KAZN: variants seen among roughly 807,000 people sequenced by gnomAD.
KAZN encodes the protein kazrin.
A neutral mutation model predicts 87.4 loss-of-function variants in KAZN; 40 were observed. That is an observed-to-expected ratio of 0.46 (90% CI 0.36 to 0.60). The LOEUF is 0.60. Ranked by LOEUF, KAZN falls within the 20% of genes least tolerant of loss-of-function variation. KAZN has a pLI of 0.00. For missense variants in KAZN, 898 were observed against 1,073.9 expected (o/e 0.84, Z 2.29); for synonymous variants, 466 against 458.3 (o/e 1.02, Z -0.22).
chr1:14,872,354 A>G (rs1388514022), intron 1 of KAZN, among the ~76,000 whole-genome samples: 1 of 152,240 alleles, frequency 6.6e-6, no homozygotes, highest in South Asian at 2.1e-4. Flanking sequence ...ATTAACATAT[A>G]GCTAGTGTGA....
intron 6 of KAZN, 138 bp from the exon 7 acceptor site, chr1:15,063,434 G>A: frequency 1.4e-6 from 1 of 720,916 alleles, no homozygotes; most frequent in Non-Finnish European, 2.5e-6. Flanking sequence ...ATGGGGGGTG[G>A]GCTCCCCACT....
chr1:14,531,739 GT>G (rs1672218254), intron 2 of KAZN, among the ~76,000 whole-genome samples: 1 of 152,206 alleles, frequency 6.6e-6, no homozygotes, highest in South Asian at 2.1e-4. Context: ...CACCAGACAT[GT>G]TCGACTGAAC....
At chr1:14,135,013 A>G (rs67278004) in intron 1 of KAZN, among the ~76,000 whole-genome samples, 4,258 of 77,104 alleles carry the variant, frequency 0.055, 121 homozygotes, top group African/African-American at 0.12. Context: ...ATGTGCACAC[A>G]TGCACACATA....
intron 1 of KAZN, among the ~76,000 whole-genome samples, chr1:14,837,507 T>C (rs901218951): frequency 1.3e-5 from 2 of 151,846 alleles, no homozygotes; most frequent in Non-Finnish European, 2.9e-5. Context: ...CCCATACCTG[T>C]TGTTTTATGT....
chr1:14,910,327 T>A (rs1421326090), intron 1 of KAZN, among the ~76,000 whole-genome samples: 2 of 152,202 alleles, frequency 1.3e-5, no homozygotes, highest in African/African-American at 4.8e-5. Flanking sequence ...CCTTCCCCCA[T>A]GTGGGTGCCC....
chr1:14,914,685 C>T (rs1250647706), intron 1 of KAZN, among the ~76,000 whole-genome samples: 1 of 152,116 alleles, frequency 6.6e-6, no homozygotes, highest in East Asian at 1.9e-4. Flanking sequence ...CATCCCAGTC[C>T]CATTGATAAT....
chr1:14,880,328 GGGGATTGCCCGA>G (rs1433066709), intron 1 of KAZN, among the ~76,000 whole-genome samples: 3 of 152,182 alleles, frequency 2.0e-5, no homozygotes, highest in African/African-American at 4.8e-5. Context: ...CAGGACCCCA[GGGGATTGCCCGA>G]GGAAAAGTAT....
intron 1 of KAZN, among the ~76,000 whole-genome samples, chr1:14,755,386 C>T (rs999801920): frequency 2.0e-5 from 3 of 152,182 alleles, no homozygotes; most frequent in African/African-American, 7.2e-5. Context: ...ATATGAGGTA[C>T]AGTCCTAACT....
chr1:14,856,475 A>C lies in KAZN; in HGVS notation c.227-104209A>C, dbSNP rs1323589505. Reference sequence around the variant, plus strand: ...TGGGAATTAATATATACATAAGCGCATCTGCTCTAAACACTTTTTTCCCTT... The same window carrying C: ...TGGGAATTAATATATACATAAGCGCCTCTGCTCTAAACACTTTTTTCCCTT... On this transcript the variant is annotated intron_variant, in intron 1 of 14. Transcript: ENST00000376030. The surrounding 1 kb of genome is among the most constrained non-coding windows in gnomAD (Gnocchi z 5.2). Among the ~76,000 whole-genome samples the C allele has an allele frequency of 6.6e-6, 1 of 152,230 alleles. No individual in the cohort carries two copies. Among genetic ancestry groups the C allele is most frequent in the Non-Finnish European group, 1.5e-5 (1 of 68,032 alleles).
chr1:13,917,024 A>G (rs2100888316), intron 1 of KAZN, among the ~76,000 whole-genome samples: 1 of 151,500 alleles, frequency 6.6e-6, no homozygotes, highest in Non-Finnish European at 1.5e-5. Flanking sequence ...TTCGATTAGA[A>G]GAATTCTCTG....
chr1:14,674,312 T>C (rs1251883451), intron 1 of KAZN, among the ~76,000 whole-genome samples: 1 of 152,228 alleles, frequency 6.6e-6, no homozygotes, highest in Non-Finnish European at 1.5e-5. Context: ...GTGAGATGCA[T>C]TTGCTCTTAA....
At chr1:14,296,029 T>G (rs558883479) in intron 2 of KAZN, among the ~76,000 whole-genome samples, 7 of 152,306 alleles carry the variant, frequency 4.6e-5, no homozygotes, top group African/African-American at 1.7e-4. Flanking sequence ...CAGTTTTCCA[T>G]AAAATCATAG....
chr1:14,505,776 C>A (rs1379129947), intron 2 of KAZN, among the ~76,000 whole-genome samples: 2 of 152,168 alleles, frequency 1.3e-5, no homozygotes, highest in Admixed American at 1.3e-4. Flanking sequence ...GAGTTTGCGA[C>A]CAGCCTGGGC....
chr1:14,276,992 A>G (rs1652408295), intron 2 of KAZN, among the ~76,000 whole-genome samples: 1 of 152,268 alleles, frequency 6.6e-6, no homozygotes, highest in African/African-American at 2.4e-5. Flanking sequence ...TCCTTATACA[A>G]TTGTCCTTTG....
intron 1 of KAZN, among the ~76,000 whole-genome samples, chr1:14,625,609 A>C (rs1183233263): frequency 6.6e-6 from 1 of 152,240 alleles, no homozygotes; most frequent in Admixed American, 6.5e-5. Flanking sequence ...CTATTTTGAC[A>C]AGATAGAGTT....
intron 1 of KAZN, among the ~76,000 whole-genome samples, chr1:14,828,586 G>A (rs1646965960): frequency 6.6e-6 from 1 of 152,158 alleles, no homozygotes; most frequent in African/African-American, 2.4e-5. Context: ...ATTTTAAGTT[G>A]CGGTAGCAGT....
At chr1:14,135,095 C>T (rs1645080514) in intron 1 of KAZN, among the ~76,000 whole-genome samples, 2 of 151,906 alleles carry the variant, frequency 1.3e-5, no homozygotes, top group African/African-American at 4.8e-5. Flanking sequence ...AAAGTAATGG[C>T]AAAAACTGCA....
At position 15,081,865 on chromosome 1, in the gene KAZN, G is replaced by C. The variant is rs1473643888; in HGVS notation, c.1223-12315G>C. The stretch of plus-strand genomic sequence containing the variant: ...CTGTGGGTCACAGCAAGGACCTTGG[G>C]CTTTACCAGGGAGCCATTGAAGGAT... On this transcript the variant is annotated intron_variant, in intron 8 of 14. Coordinates refer to ENST00000376030, the MANE Select transcript of KAZN (RefSeq NM_201628.3). This position sits in a 1 kb window ranked among gnomAD's most constrained non-coding sequence, Gnocchi z 4.1. Among the ~76,000 whole-genome samples the C allele has an allele frequency of 1.3e-5, 2 of 152,154 alleles. No individual in the cohort carries two copies. Among genetic ancestry groups the C allele is most frequent in the Admixed American group, 6.5e-5 (1 of 15,280 alleles).
chr1:13,991,276 T>TATC (rs1639273730), intron 1 of KAZN, among the ~76,000 whole-genome samples: 1 of 151,952 alleles, frequency 6.6e-6, no homozygotes, highest in Admixed American at 6.6e-5. Context: ...GTGTTTCAAA[T>TATC]ATCACATACC....
Sources: allele counts gnomAD v4.1 joint callset (sites outside exome capture counted in the v4.1 genomes callset), GRCh38; gene constraint gnomAD v4.1.1; non-coding constraint Gnocchi (gnomAD v3.1); transcripts MANE v1.5; gene names NCBI Gene and HGNC (gene_info 2026-07-23, HGNC 2026-07-21).